CAMTA1: variants seen among roughly 807,000 people sequenced by gnomAD.
CAMTA1 encodes calmodulin-binding transcription activator 1.
A neutral mutation model predicts 170.9 loss-of-function variants in CAMTA1; 27 were observed. The ratio of observed to expected loss-of-function variants is 0.16; its 90% CI spans 0.12 to 0.22. The LOEUF (loss-of-function observed/expected upper bound fraction) is 0.22. Among genes scored for constraint, CAMTA1 ranks in the 10% least tolerant of loss-of-function variants. CAMTA1 has a pLI of 1.00. For synonymous variants in CAMTA1, 833 were observed against 891.5 expected, an observed-to-expected ratio of 0.93 and a Z score of 1.17; for missense variants, 1,619 against 2,217.2, an observed-to-expected ratio of 0.73 and a Z score of 5.42.
At chr1:7,103,884 TGTACACACA>T (rs1643195655) in intron 4 of CAMTA1, among the ~76,000 whole-genome samples, 1 of 134,860 alleles carries the variant, frequency 7.4e-6, no homozygotes, top group Non-Finnish European at 1.6e-5. Context: ...ACTACACACA[TGTACACACA>T]ACACACAACT....
At chr1:7,575,793 G>A (rs1576173654) in intron 6 of CAMTA1, among the ~76,000 whole-genome samples, 1 of 152,192 alleles carries the variant, frequency 6.6e-6, no homozygotes, top group East Asian at 1.9e-4. Context: ...ACACCTTATT[G>A]GATGAGACCC....
chr1:7,709,746 G>A (rs1380337345), intron 11 of CAMTA1, among the ~76,000 whole-genome samples: 1 of 152,208 alleles, frequency 6.6e-6, no homozygotes, highest in African/African-American at 2.4e-5. Flanking sequence ...TTCACTCAGT[G>A]AGAAACCTTA....
intron 11 of CAMTA1, among the ~76,000 whole-genome samples, chr1:7,703,139 A>T (rs2096460427): frequency 6.6e-6 from 1 of 152,152 alleles, no homozygotes; most frequent in African/African-American, 2.4e-5. Context: ...CACATAACAA[A>T]GCTGGAGGTT....
intron 11 of CAMTA1, among the ~76,000 whole-genome samples, chr1:7,730,585 G>T (rs571437422): frequency 8.5e-5 from 13 of 152,074 alleles, no homozygotes; most frequent in Non-Finnish European, 1.9e-4. Flanking sequence ...TGAATATCTG[G>T]CACAGTGTTC....
At chr1:7,646,357 G>A (rs67464042) in intron 7 of CAMTA1, among the ~76,000 whole-genome samples, 12,780 of 146,036 alleles carry the variant, frequency 0.088, 657 homozygotes, top group African/African-American at 0.13. Flanking sequence ...TGGAGGCCCT[G>A]GTAAGTTGGA....
intron 5 of CAMTA1, among the ~76,000 whole-genome samples, chr1:7,423,958 C>A (rs1401942467): frequency 6.6e-6 from 1 of 152,212 alleles, no homozygotes; most frequent in Non-Finnish European, 1.5e-5. Flanking sequence ...AATGTCACCT[C>A]TTTCTGGCTT....
rs908324887 is a variant in CAMTA1 at position 6,807,016 on chromosome 1, A to T, written c.46-13165A>T. ...AAGGACAGACCCAGTCTCTGTCCTT[A>T]TGGAGCTAAGGGGGAGACGGACATT... On this transcript the variant is annotated intron_variant, in intron 1 of 22. Transcript: ENST00000303635. The T allele has an allele frequency of 1.8e-5, 12 of 670,340 alleles. No homozygotes were observed. The African/African-American group carries it at 2.1e-4, about 12-fold the overall frequency. 41.5% of individuals were successfully genotyped at this position (670,340 alleles called of 1,614,324 possible).
rs541908450 is a variant in CAMTA1 at position 6,812,716 on chromosome 1, TA to T, written c.46-7457del. Among the ~76,000 whole-genome samples, 927 of 152,198 alleles carry T rather than the reference TA, an allele frequency of 6.1e-3. 7 individuals are homozygous for T. The highest frequency in any genetic ancestry group is 0.021 in the African/African-American group (868 of 41,526). ...TGATTCATATCTAGAAAGAATAATTTAAAAAAAACTGTAAAATCACTTTAAA... is the reference window on the plus strand; with the variant it reads ...TGATTCATATCTAGAAAGAATAATTTAAAAAAACTGTAAAATCACTTTAAA... On this transcript the variant is annotated intron_variant, in intron 1 of 22. Transcript: ENST00000303635.
chr1:7,419,001 C>G (rs1334253139), intron 5 of CAMTA1, among the ~76,000 whole-genome samples: 1 of 152,242 alleles, frequency 6.6e-6, no homozygotes, highest in Admixed American at 6.5e-5. Flanking sequence ...CAGCTCCTGC[C>G]TCACTCAAAT....
intron 3 of CAMTA1, among the ~76,000 whole-genome samples, chr1:7,019,293 G>A (rs560748259): frequency 1.1e-4 from 17 of 151,928 alleles, no homozygotes; most frequent in Non-Finnish European, 1.5e-4. Flanking sequence ...TTTCCATAAG[G>A]TTGTGTCGGG....
Position 7,248,364 on chromosome 1 carries a change from C to T in CAMTA1, c.303-1127C>T, listed in dbSNP as rs1054416716. Among the ~76,000 whole-genome samples the T allele has an allele frequency of 6.6e-6, 1 of 152,184 alleles. No individual in the cohort carries two copies. The highest frequency in any genetic ancestry group is 6.5e-5 in the Admixed American group (1 of 15,288). On this transcript the variant is annotated intron_variant, in intron 4 of 22. Coordinates refer to ENST00000303635, the MANE Select transcript of CAMTA1 (RefSeq NM_015215.4). This position sits in a 1 kb window ranked among gnomAD's most constrained non-coding sequence, Gnocchi z 4.0. ...GGCTGAAGAAGCCCCACTTCATTTG[C>T]CTTATTTGTGTAAAGAGCTCTCTGG... is the stretch of plus-strand genomic sequence containing the variant.
chr1:7,611,727 C>T (rs954695977), intron 6 of CAMTA1, among the ~76,000 whole-genome samples: 3 of 152,224 alleles, frequency 2.0e-5, no homozygotes, highest in East Asian at 1.9e-4. Context: ...CACCTGCACT[C>T]GCTGCCAGGG....
chr1:7,446,653 T>C lies in CAMTA1; in HGVS notation c.439-21177T>C, dbSNP rs531622097. Among the ~76,000 whole-genome samples the C allele has an allele frequency of 7.9e-5, 12 of 152,332 alleles. No homozygotes were observed. In the South Asian group the frequency reaches 2.5e-3, roughly 32 times the overall value. Reference sequence around the variant, plus strand: ...CGAACCCATGTTGGCCGGACCCCTCTGTGGGCGATGAAGAAGGCTCTCCCA... The same window carrying C: ...CGAACCCATGTTGGCCGGACCCCTCCGTGGGCGATGAAGAAGGCTCTCCCA... On this transcript the variant is annotated intron_variant, in intron 5 of 22. Transcript: ENST00000303635.
rs1282856422 is a variant in CAMTA1 at position 7,093,204 on chromosome 1, C to G, written c.302+1833C>G. Among the ~76,000 whole-genome samples, 1 of 152,132 alleles carries G rather than the reference C, an allele frequency of 6.6e-6. No homozygotes were observed. Among genetic ancestry groups the G allele is most frequent in the African/African-American group, 2.4e-5 (1 of 41,422 alleles). ...GCTGAGGGCTCATTAAAATGCGGGC[C>G]CCACCCTAGGGTTTCTGATTCAGCA... On this transcript the variant is annotated intron_variant, in intron 4 of 22. Transcript: ENST00000303635. This position sits in a 1 kb window ranked among gnomAD's most constrained non-coding sequence, Gnocchi z 4.6.
intron 6 of CAMTA1, among the ~76,000 whole-genome samples, chr1:7,573,516 G>A (rs191237819): frequency 5.3e-4 from 80 of 152,304 alleles, no homozygotes; most frequent in Non-Finnish European, 1.1e-3. Flanking sequence ...ATGCTCTCAC[G>A]GTGCAGGAGT....
intron 5 of CAMTA1, among the ~76,000 whole-genome samples, chr1:7,457,794 C>T (rs150075307): frequency 4.6e-5 from 7 of 152,316 alleles, no homozygotes; most frequent in Non-Finnish European, 1.0e-4. Context: ...CCCCATTCGA[C>T]GGCACACCTG....
chr1:7,656,477 C>A (rs2095904134), intron 7 of CAMTA1, among the ~76,000 whole-genome samples: 1 of 152,204 alleles, frequency 6.6e-6, no homozygotes, highest in Non-Finnish European at 1.5e-5. Flanking sequence ...TAATTACCTC[C>A]TTAAAAGTCT....
At chr1:6,898,381 G>A (rs1000169769) in intron 3 of CAMTA1, among the ~76,000 whole-genome samples, 44 of 152,032 alleles carry the variant, frequency 2.9e-4, no homozygotes, top group Non-Finnish European at 4.7e-4. Context: ...GTGAAACCCC[G>A]TCTCTACTAA....
intron 6 of CAMTA1, among the ~76,000 whole-genome samples, chr1:7,471,406 A>T (rs2093327711): frequency 1.3e-5 from 2 of 152,214 alleles, no homozygotes; most frequent in East Asian, 3.9e-4. Context: ...GAGGGACCAG[A>T]TGACCTGAGC....
Sources: allele counts gnomAD v4.1 joint callset (sites outside exome capture counted in the v4.1 genomes callset), GRCh38; gene constraint gnomAD v4.1.1; non-coding constraint Gnocchi (gnomAD v3.1); transcripts MANE v1.5; gene names NCBI Gene and HGNC (gene_info 2026-07-23, HGNC 2026-07-21).